SOCS5: variants seen among roughly 807,000 people sequenced by gnomAD.
SOCS5 encodes CIS-6.
Under a neutral mutation model 42.8 loss-of-function variants are expected in SOCS5, and 32 were observed. The observed-to-expected ratio is 0.75, with a 90% CI of 0.56 to 1.01. The LOEUF (loss-of-function observed/expected upper bound fraction) is 1.01. Ranked by LOEUF, SOCS5 falls within the 50% of genes least tolerant of loss-of-function variation. SOCS5 has a pLI of 0.00. For synonymous variants in SOCS5, 283 were observed against 229.6 expected (o/e 1.23, Z -2.10); for missense variants, 627 against 653.0 (o/e 0.96, Z 0.43).
chr2:46,760,037 G>A lies in SOCS5; in HGVS notation c.1507G>A (p.Gly503Arg). ...GTGCACTACGTATGATGGAATTGAT[G>A]GGCTCCCTCTACCCTCAATGTTACA... ...CRCTTYDGID[G>R]LPLPSMLQDF... Residue 503 changes from glycine (G) to arginine (R), a missense_variant, in exon 2 of 2, where the codon GGG (glycine) becomes AGG (arginine). Coordinates refer to ENST00000394861, the MANE Select transcript of SOCS5 (RefSeq NM_144949.3). 6.2e-7 allele frequency: 1 copy of A among 1,613,938 alleles called. No homozygotes were observed. Among genetic ancestry groups the A allele is most frequent in the Non-Finnish European group, 8.5e-7 (1 of 1,179,896 alleles).
intron 1 of SOCS5, among the ~76,000 whole-genome samples, chr2:46,728,242 A>G (rs1363577382): frequency 6.6e-6 from 1 of 152,060 alleles, no homozygotes; most frequent in East Asian, 1.9e-4. Flanking sequence ...ACCTCCCACC[A>G]TTTACTTTTC....
chr2:46,739,019 A>G (rs767408919), intron 1 of SOCS5, among the ~76,000 whole-genome samples: 3 of 152,248 alleles, frequency 2.0e-5, no homozygotes, highest in Non-Finnish European at 2.9e-5. Flanking sequence ...AAATTATTGA[A>G]CTATTTAACA....
chr2:46,759,012 T>C lies in SOCS5; in HGVS notation c.482T>C (p.Val161Ala). The change falls in exon 2 of 2, where the codon GTA (valine) becomes GCA (alanine). Residue 161 changes from valine to alanine, a missense_variant. By Grantham distance (64) the Val-to-Ala change is moderately conservative (BLOSUM62 0). Coordinates refer to ENST00000394861, the MANE Select transcript of SOCS5 (RefSeq NM_144949.3). ...RRERRYGVSS[V>A]HDMDSVSSRT... The stretch of plus-strand genomic sequence containing the variant: ...GAGAGGCGCTACGGCGTAAGTTCTG[T>C]ACACGACATGGACAGTGTTTCCAGC... The C allele has an allele frequency of 6.2e-7, 1 of 1,613,988 alleles. No individual in the cohort carries two copies. Among genetic ancestry groups the C allele is most frequent in the Non-Finnish European group, 8.5e-7 (1 of 1,179,856 alleles).
chr2:46,707,998 G>A (rs540142325), intron 1 of SOCS5, among the ~76,000 whole-genome samples: 1 of 152,248 alleles, frequency 6.6e-6, no homozygotes, highest in Admixed American at 6.5e-5. Context: ...AATGAATACT[G>A]TACTGAAAAT....
At chr2:46,726,101 T>C (rs910687462) in intron 1 of SOCS5, among the ~76,000 whole-genome samples, 1 of 152,132 alleles carries the variant, frequency 6.6e-6, no homozygotes, top group African/African-American at 2.4e-5. Context: ...AAAATTTATT[T>C]ATTTATTTTT....
intron 1 of SOCS5, among the ~76,000 whole-genome samples, chr2:46,706,246 T>C (rs1429981554): frequency 6.6e-6 from 1 of 152,250 alleles, no homozygotes; most frequent in Non-Finnish European, 1.5e-5. Context: ...AGAGCAAGTT[T>C]GACACGGGAA....
chr2:46,718,328 T>G (rs1393910893), intron 1 of SOCS5, among the ~76,000 whole-genome samples: 1 of 152,214 alleles, frequency 6.6e-6, no homozygotes, highest in Non-Finnish European at 1.5e-5. Flanking sequence ...GGAGTTTACT[T>G]TTTCTTCTTT....
intron 1 of SOCS5, among the ~76,000 whole-genome samples, chr2:46,729,679 G>A (rs773540355): frequency 6.6e-6 from 1 of 152,138 alleles, no homozygotes; most frequent in Non-Finnish European, 1.5e-5. Flanking sequence ...CCGTGGGTGA[G>A]TGAGTGAGTG....
chr2:46,741,387 C>T (rs946780182), intron 1 of SOCS5, among the ~76,000 whole-genome samples: 1 of 152,062 alleles, frequency 6.6e-6, no homozygotes, highest in South Asian at 2.1e-4. Context: ...TACAAGCGTG[C>T]GCCACCATGC....
At chr2:46,749,232 C>T (rs1673572906) in intron 1 of SOCS5, among the ~76,000 whole-genome samples, 1 of 152,160 alleles carries the variant, frequency 6.6e-6, no homozygotes, top group African/African-American at 2.4e-5. Flanking sequence ...ATAATCTCTC[C>T]CTAGTCATAA....
At chr2:46,745,720 T>C (rs1673480976) in intron 1 of SOCS5, among the ~76,000 whole-genome samples, 1 of 152,240 alleles carries the variant, frequency 6.6e-6, no homozygotes, top group African/African-American at 2.4e-5. Context: ...TTATCCTCTT[T>C]AACATTTCCC....
intron 1 of SOCS5, among the ~76,000 whole-genome samples, chr2:46,720,794 G>C (rs1672861218): frequency 6.6e-6 from 1 of 152,118 alleles, no homozygotes; most frequent in African/African-American, 2.4e-5. Context: ...AGTGCAGCTG[G>C]GTGCAGGACA....
intron 1 of SOCS5, among the ~76,000 whole-genome samples, chr2:46,748,184 TTTTTC>T (rs1241978502): frequency 2.2e-5 from 3 of 134,338 alleles, no homozygotes; most frequent in Non-Finnish European, 5.1e-5. Context: ...TTCTCTTTTC[TTTTTC>T]TTTTTTTTTT....
intron 1 of SOCS5, among the ~76,000 whole-genome samples, chr2:46,733,215 A>G (rs1453121585): frequency 1.3e-5 from 2 of 152,018 alleles, no homozygotes; most frequent in African/African-American, 4.8e-5. Context: ...CTGTCTCAGC[A>G]TCCTGAGTAG....
At chr2:46,746,948 T>C (rs1558411024) in intron 1 of SOCS5, among the ~76,000 whole-genome samples, 1 of 149,040 alleles carries the variant, frequency 6.7e-6, no homozygotes, top group Non-Finnish European at 1.5e-5. Flanking sequence ...TTTTTTGCCT[T>C]ATTGAGCTGG....
At chr2:46,730,572 C>G (rs1240432756) in intron 1 of SOCS5, among the ~76,000 whole-genome samples, 4 of 151,934 alleles carry the variant, frequency 2.6e-5, no homozygotes, top group African/African-American at 9.7e-5. Context: ...TGCAGTCCAG[C>G]CTGGGCGACA....
chr2:46,724,389 G>A (rs1025002337), intron 1 of SOCS5, among the ~76,000 whole-genome samples: 1 of 151,910 alleles, frequency 6.6e-6, no homozygotes, highest in African/African-American at 2.4e-5. Flanking sequence ...TAAGCATGAC[G>A]TTAGCTGTAG....
intron 1 of SOCS5, among the ~76,000 whole-genome samples, chr2:46,706,120 G>C (rs1463877769): frequency 1.3e-5 from 2 of 152,136 alleles, no homozygotes; most frequent in Non-Finnish European, 2.9e-5. Flanking sequence ...AAATTATAAA[G>C]GGGTTATCAT....
intron 1 of SOCS5, among the ~76,000 whole-genome samples, chr2:46,709,998 A>G (rs761122254): frequency 6.6e-6 from 1 of 152,108 alleles, no homozygotes; most frequent in African/African-American, 2.4e-5. Context: ...CCATGCTTGA[A>G]TTCTGGTTCA....
Sources: allele counts gnomAD v4.1 joint callset (sites outside exome capture counted in the v4.1 genomes callset), GRCh38; gene constraint gnomAD v4.1.1; transcripts MANE v1.5; gene names NCBI Gene and HGNC (gene_info 2026-07-23, HGNC 2026-07-21).